Variants in CYP2J2 observed in about 807,000 individuals in gnomAD.
CYP2J2 encodes cytochrome P450 2J2.
CYP2J2 carries 41 observed loss-of-function variants against 48.8 expected under a neutral mutation model. That is an observed-to-expected ratio of 0.84 (90% CI 0.66 to 1.09). CYP2J2 has a LOEUF of 1.09. Ranked by LOEUF, CYP2J2 falls within the 50% of genes least tolerant of loss-of-function variation. The pLI, the probability that CYP2J2 is intolerant of heterozygous loss-of-function variation, is 0.00. For synonymous variants in CYP2J2, 221 were observed against 227.1 expected (o/e 0.97, Z 0.24); for missense variants, 644 against 617.3 (o/e 1.04, Z -0.46).
the CYP2J2 span, among the ~76,000 whole-genome samples, chr1:59,937,427 A>G: frequency 6.8e-6 from 1 of 148,036 alleles, no homozygotes; most frequent in South Asian, 2.1e-4. Flanking sequence ...TATTACTAAA[A>G]GAAAAAAAAA....
the CYP2J2 span, among the ~76,000 whole-genome samples, chr1:59,936,657 T>G: frequency 1.6e-4 from 25 of 152,288 alleles, no homozygotes; most frequent in African/African-American, 6.0e-4. Context: ...TGCTCTATGT[T>G]GATTATTTAC....
At chr1:59,926,931 T>C (rs1644571923), upstream of CYP2J2, 2 of 611,034 alleles carry the variant, frequency 3.3e-6, no homozygotes, top group African/African-American at 1.9e-5. Context: ...AAGGCCAGGC[T>C]AGGAGCAGTT....
intron 1 of CYP2J2, 142 bp from the exon 2 acceptor site, chr1:59,916,242 T>A (rs537671442): frequency 1.5e-5 from 9 of 593,052 alleles, no homozygotes; most frequent in South Asian, 2.7e-5. Context: ...TGTGTGTGTG[T>A]GTGAGTGAGT....
At chr1:59,895,923 C>T (rs887363368) in intron 8 of CYP2J2, among the ~76,000 whole-genome samples, 16 of 152,084 alleles carry the variant, frequency 1.1e-4, no homozygotes, top group South Asian at 2.1e-4. Flanking sequence ...TTATTGATAT[C>T]AGTTAAATGC....
intron 1 of CYP2J2, among the ~76,000 whole-genome samples, chr1:59,922,809 T>G (rs776489557): frequency 3.3e-5 from 5 of 152,204 alleles, no homozygotes; most frequent in African/African-American, 1.2e-4. Flanking sequence ...ACAGAAACCA[T>G]TTAGCCTTTT....
intron 7 of CYP2J2, among the ~76,000 whole-genome samples, chr1:59,902,924 C>A (rs554903660): frequency 6.6e-6 from 1 of 152,268 alleles, no homozygotes; most frequent in South Asian, 2.1e-4. Context: ...GTCTATTTGA[C>A]GTCAAAGTCA....
chr1:59,934,444 C>T, the CYP2J2 span, among the ~76,000 whole-genome samples: 1 of 152,094 alleles, frequency 6.6e-6, no homozygotes, highest in Non-Finnish European at 1.5e-5. Context: ...AAAATACATG[C>T]AAATCGTGTA....
the CYP2J2 span, among the ~76,000 whole-genome samples, chr1:59,938,229 T>C: frequency 1.3e-5 from 2 of 152,278 alleles, no homozygotes; most frequent in African/African-American, 4.8e-5. Context: ...ATAAAAGAAA[T>C]AAGACAAAGA....
chr1:59,957,024 A>T, the CYP2J2 span, among the ~76,000 whole-genome samples: 2 of 152,164 alleles, frequency 1.3e-5, no homozygotes, highest in Non-Finnish European at 2.9e-5. Flanking sequence ...TATCCCCATC[A>T]TGCCTGTTCC....
chr1:59,929,484 T>A (rs1247143233), upstream of CYP2J2, among the ~76,000 whole-genome samples: 1 of 152,236 alleles, frequency 6.6e-6, no homozygotes, highest in Middle Eastern at 3.4e-3. Flanking sequence ...ATTATAAATA[T>A]GTCCAAAGAA....
the CYP2J2 span, among the ~76,000 whole-genome samples, chr1:59,949,381 T>C: frequency 3.9e-5 from 6 of 152,204 alleles, no homozygotes; most frequent in Non-Finnish European, 8.8e-5. Flanking sequence ...CCTCATGTGG[T>C]ATTTGGATAA....
At chr1:59,911,365 G>A (rs751124670) in intron 4 of CYP2J2, among the ~76,000 whole-genome samples, 4 of 152,190 alleles carry the variant, frequency 2.6e-5, no homozygotes, top group Non-Finnish European at 2.9e-5. Context: ...GTGGATAGGC[G>A]TATGTCATAT....
the CYP2J2 span, among the ~76,000 whole-genome samples, chr1:59,939,163 A>G: frequency 6.6e-6 from 1 of 152,182 alleles, no homozygotes; most frequent in Admixed American, 6.5e-5. Context: ...TCTTTTCCCT[A>G]CAATTGAATA....
rs1644397874 is a variant in CYP2J2, at chr1:59,909,965, T to C, written c.685-5A>G. The C allele has an allele frequency of 3.8e-6, 6 of 1,594,706 alleles. No individual in the cohort carries two copies. Among genetic ancestry groups the C allele is most frequent in the Non-Finnish European group, 2.6e-6 (3 of 1,174,076 alleles). ...CCATGGAAAGACATTGTAGAGCTAA[T>C]TGAGAAAAACAAAACAATCATGCAG... On this transcript the variant is annotated splice_polypyrimidine_tract_variant and splice_region_variant and intron_variant, in intron 4 of 8. Coordinates refer to ENST00000371204, the MANE Select transcript of CYP2J2 (RefSeq NM_000775.4).
the CYP2J2 span, among the ~76,000 whole-genome samples, chr1:59,956,558 A>C: frequency 6.6e-6 from 1 of 152,168 alleles, no homozygotes; most frequent in African/African-American, 2.4e-5. Context: ...TGCAAGAAAC[A>C]ACAGGCATTT....
At chr1:59,937,755 T>C in the CYP2J2 span, among the ~76,000 whole-genome samples, 2 of 152,144 alleles carry the variant, frequency 1.3e-5, no homozygotes, top group Non-Finnish European at 2.9e-5. Flanking sequence ...TATTGTGTTT[T>C]ATTCTTCGTT....
At chr1:59,913,946 T>C (rs1294515891) in intron 2 of CYP2J2, among the ~76,000 whole-genome samples, 1 of 152,346 alleles carries the variant, frequency 6.6e-6, no homozygotes, top group South Asian at 2.1e-4. Flanking sequence ...CATCTCCCTT[T>C]AATTATCTCC....
intron 1 of CYP2J2, among the ~76,000 whole-genome samples, chr1:59,917,628 G>A (rs1644478375): frequency 6.6e-6 from 1 of 152,192 alleles, no homozygotes; most frequent in Non-Finnish European, 1.5e-5. Flanking sequence ...GAGAGTTGGG[G>A]TGGGAGAGAG....
chr1:59,928,861 G>T (rs1164506596), upstream of CYP2J2, among the ~76,000 whole-genome samples: 2 of 152,238 alleles, frequency 1.3e-5, no homozygotes, highest in African/African-American at 2.4e-5. Flanking sequence ...AGGCTAACTA[G>T]AAGTTTACCA....
Sources: gnomAD v4.1 joint callset for allele counts (sites outside exome capture counted in the v4.1 genomes callset) on GRCh38, gnomAD v4.1.1 for gene constraint, MANE v1.5 for transcripts, NCBI Gene and HGNC (gene_info 2026-07-23, HGNC 2026-07-21) for gene names.